The following EXOC6B variants were observed in gnomAD, a reference collection of about 807,000 sequenced individuals.
The protein encoded by EXOC6B is exocyst complex component 6B, also known as SEC15 homolog B.
Under a neutral mutation model 113.5 loss-of-function variants are expected in EXOC6B, and 54 were observed. The ratio of observed to expected loss-of-function variants is 0.48; its 90% confidence interval spans 0.38 to 0.60. The LOEUF is 0.60. EXOC6B is among the 20% of genes least tolerant of loss of function. The pLI is 0.00. For synonymous variants in EXOC6B, 357 were observed against 339.0 expected (o/e 1.05, Z -0.58); for missense variants, 797 against 977.5 (o/e 0.82, Z 2.46).
intron 6 of EXOC6B, among the ~76,000 whole-genome samples, chr2:72,618,858 C>T (rs1040878006): frequency 2.0e-5 from 3 of 152,178 alleles, no homozygotes; most frequent in Non-Finnish European, 4.4e-5. Flanking sequence ...CTGCTAAGTA[C>T]AAAGGTAATC....
chr2:72,574,600 A>G (rs903912376), intron 7 of EXOC6B, among the ~76,000 whole-genome samples: 1 of 151,966 alleles, frequency 6.6e-6, no homozygotes, highest in Non-Finnish European at 1.5e-5. Flanking sequence ...AAGCACTTAC[A>G]AAAAAAAGGC....
chr2:72,714,396 C>T (rs1243730535), intron 6 of EXOC6B, among the ~76,000 whole-genome samples: 3 of 152,218 alleles, frequency 2.0e-5, no homozygotes, highest in Non-Finnish European at 4.4e-5. Context: ...CACATCCCTA[C>T]TGGGCCTGTT....
At chr2:72,501,155 T>C (rs1700300894) in intron 11 of EXOC6B, among the ~76,000 whole-genome samples, 1 of 152,208 alleles carries the variant, frequency 6.6e-6, no homozygotes, top group South Asian at 2.1e-4. Flanking sequence ...TTCCTAGTGA[T>C]ATGGTTTGGA....
intron 20 of EXOC6B, among the ~76,000 whole-genome samples, chr2:72,309,527 T>C (rs1687074350): frequency 6.6e-6 from 1 of 152,170 alleles, no homozygotes; most frequent in Non-Finnish European, 1.5e-5. Context: ...TCATTACCCA[T>C]GCTTATTCCA....
chr2:72,432,967 G>C (rs1328739928), intron 18 of EXOC6B, among the ~76,000 whole-genome samples: 1 of 152,136 alleles, frequency 6.6e-6, no homozygotes, highest in Non-Finnish European at 1.5e-5. Flanking sequence ...TGGTGTTTTA[G>C]TCATAAAGTC....
intron 11 of EXOC6B, among the ~76,000 whole-genome samples, chr2:72,508,092 C>A (rs1167749144): frequency 2.9e-5 from 4 of 137,908 alleles, no homozygotes; most frequent in African/African-American, 1.2e-4. Context: ...ACTTTTCACC[C>A]ACAGAATGAC....
intron 7 of EXOC6B, among the ~76,000 whole-genome samples, chr2:72,573,700 T>C (rs1362880910): frequency 6.6e-6 from 1 of 152,210 alleles, no homozygotes; most frequent in African/African-American, 2.4e-5. Flanking sequence ...TAACTATTAA[T>C]GTACTTCATT....
At chr2:72,385,232 A>G (rs1314844511) in intron 18 of EXOC6B, among the ~76,000 whole-genome samples, 5 of 152,172 alleles carry the variant, frequency 3.3e-5, no homozygotes, top group East Asian at 1.9e-4. Flanking sequence ...CAAATTTTTG[A>G]TAAAGATACC....
intron 18 of EXOC6B, among the ~76,000 whole-genome samples, chr2:72,392,715 G>C (rs922579078): frequency 1.3e-5 from 2 of 152,148 alleles, no homozygotes; most frequent in South Asian, 2.1e-4. Context: ...GCAGAGTTTT[G>C]AGTTTTGTTC....
chr2:72,717,577 G>A (rs13413528), intron 6 of EXOC6B, among the ~76,000 whole-genome samples: 1,778 of 152,188 alleles, frequency 0.012, 30 homozygotes, highest in African/African-American at 0.041. Flanking sequence ...TTTAACAAAT[G>A]TATATACTGC....
rs78554994 is a variant in EXOC6B at position 72,519,807 on chromosome 2, C to T, written c.916-4681G>A. Among the ~76,000 whole-genome samples, 752 of 152,138 alleles carry T rather than the reference C, an allele frequency of 4.9e-3. 11 individuals carry two copies. Among genetic ancestry groups the T allele is most frequent in the African/African-American group, 0.017 (696 of 41,494 alleles). On this transcript the variant is annotated intron_variant, in intron 8 of 21. Coordinates refer to ENST00000272427, the MANE Select transcript of EXOC6B (RefSeq NM_015189.3). The stretch of plus-strand genomic sequence containing the variant: ...AAGTGTTTGGGAACTGACATATTTG[C>T]GTCTATAGCTTAAGAGAATCATAAT...
chr2:72,401,199 G>A (rs184027989), intron 18 of EXOC6B, among the ~76,000 whole-genome samples: 8 of 151,326 alleles, frequency 5.3e-5, no homozygotes, highest in South Asian at 2.1e-4. Context: ...GGTAACTCAC[G>A]CCTGTAACCC....
chr2:72,387,219 A>G (rs901746326), intron 18 of EXOC6B, among the ~76,000 whole-genome samples: 2 of 152,158 alleles, frequency 1.3e-5, no homozygotes, highest in African/African-American at 2.4e-5. Flanking sequence ...TTAAAATATA[A>G]TGCTGGATTT....
At chr2:72,337,576 AGT>A (rs1688763601) in intron 19 of EXOC6B, among the ~76,000 whole-genome samples, 2 of 152,140 alleles carry the variant, frequency 1.3e-5, no homozygotes, top group Admixed American at 6.6e-5. Flanking sequence ...TAGTTTTCGG[AGT>A]CACTTTATGG....
chr2:72,747,258 A>T (rs888985521), intron 1 of EXOC6B, among the ~76,000 whole-genome samples: 2 of 152,086 alleles, frequency 1.3e-5, no homozygotes, highest in Non-Finnish European at 2.9e-5. Flanking sequence ...GTGACCAGTT[A>T]ATATATGGTG....
chr2:72,791,939 A>G (rs897486369), intron 1 of EXOC6B, among the ~76,000 whole-genome samples: 5 of 152,218 alleles, frequency 3.3e-5, no homozygotes, highest in African/African-American at 1.2e-4. Context: ...TAATTTCCCA[A>G]AATCCAAGCT....
intron 18 of EXOC6B, among the ~76,000 whole-genome samples, chr2:72,409,460 AC>A (rs1219608325): frequency 1.3e-5 from 2 of 152,210 alleles, no homozygotes; most frequent in African/African-American, 4.8e-5. Flanking sequence ...AAGACTTGGA[AC>A]CAACCCAAAT....
intron 1 of EXOC6B, among the ~76,000 whole-genome samples, chr2:72,744,786 C>T (rs1371824130): frequency 6.6e-6 from 1 of 152,038 alleles, no homozygotes; most frequent in African/African-American, 2.4e-5. Flanking sequence ...AAGACAACCT[C>T]ACAGAAAAGC....
At chr2:72,634,945 CAA>C (rs201983379) in intron 6 of EXOC6B, among the ~76,000 whole-genome samples, 3 of 136,606 alleles carry the variant, frequency 2.2e-5, no homozygotes, top group Admixed American at 7.3e-5. Context: ...TGCTTGGAAA[CAA>C]AAAAAAAAAC....
Sources: allele counts gnomAD v4.1 joint callset (sites outside exome capture counted in the v4.1 genomes callset), GRCh38; gene constraint gnomAD v4.1.1; transcripts MANE v1.5; gene names NCBI Gene and HGNC (gene_info 2026-07-23, HGNC 2026-07-21).